Variants in MYO6 observed in about 807,000 individuals in gnomAD.
The protein encoded by MYO6 is myosin VI, also known as unconventional myosin-VI.
Under a neutral mutation model 178.7 loss-of-function variants are expected in MYO6, and 74 were observed. The ratio of observed to expected loss-of-function variants is 0.41; its 90% confidence interval spans 0.34 to 0.50. The LOEUF is 0.50. MYO6 is among the 20% of genes least tolerant of loss of function. The probability of loss-of-function intolerance (pLI) is 0.09; values close to 1 mark genes in which losing one functional copy is unlikely to be tolerated. For synonymous variants in MYO6, 477 were observed against 504.6 expected, an observed-to-expected ratio of 0.95 and a Z score of 0.73; for missense variants, 1,330 against 1,547.4, an observed-to-expected ratio of 0.86 and a Z score of 2.36.
chr6:75,791,699 G>A (rs1768266872), intron 1 of MYO6, among the ~76,000 whole-genome samples: 1 of 152,222 alleles, frequency 6.6e-6, no homozygotes, highest in Admixed American at 6.5e-5. Context: ...GAATACTTGT[G>A]AAGCAGAAGC....
intron 1 of MYO6, among the ~76,000 whole-genome samples, chr6:75,768,951 G>A (rs991842919): frequency 1.3e-5 from 2 of 152,156 alleles, no homozygotes; most frequent in African/African-American, 4.8e-5. Flanking sequence ...TACTGTCATA[G>A]TGAAAGGCAA....
chr6:75,784,776 CAAAAAAAAAAAAAAA>C (rs754218278), intron 1 of MYO6, among the ~76,000 whole-genome samples: 2,128 of 54,458 alleles, frequency 0.039, 113 homozygotes, highest in East Asian at 0.32. Context: ...GACTCCGTCT[CAAAAAAAAAAAAAAA>C]AAAAAAAAAA....
chr6:75,900,305 T>A (rs1403070736), intron 30 of MYO6, among the ~76,000 whole-genome samples: 16 of 151,860 alleles, frequency 1.1e-4, no homozygotes, highest in South Asian at 2.1e-4. Flanking sequence ...CCTGAGGAAT[T>A]GCCACACTGA....
chr6:75,903,031 C>T (rs1038304030), intron 30 of MYO6, among the ~76,000 whole-genome samples: 32 of 152,058 alleles, frequency 2.1e-4, no homozygotes, highest in East Asian at 5.8e-4. Flanking sequence ...TGTAGTTGAG[C>T]GGTTTTGAGT....
intron 10 of MYO6, among the ~76,000 whole-genome samples, chr6:75,845,535 A>C (rs1356010347): frequency 1.3e-5 from 2 of 152,006 alleles, no homozygotes; most frequent in Non-Finnish European, 2.9e-5. Flanking sequence ...TTTACAAAAA[A>C]TAAAAAAAAT....
intron 7 of MYO6, among the ~76,000 whole-genome samples, 181 bp from the exon 8 acceptor site, chr6:75,840,404 A>G (rs1583241856): frequency 1.3e-5 from 2 of 151,948 alleles, no homozygotes; most frequent in Admixed American, 1.3e-4. Flanking sequence ...CTCGTGATCC[A>G]CCTGCCTCGG....
At chr6:75,864,939 T>A (rs1776523129) in intron 16 of MYO6, among the ~76,000 whole-genome samples, 1 of 152,142 alleles carries the variant, frequency 6.6e-6, no homozygotes, top group South Asian at 2.1e-4. Flanking sequence ...TAATATGGCA[T>A]GTAAAGAAAT....
At chr6:75,796,527 C>A (rs1452205140) in intron 1 of MYO6, among the ~76,000 whole-genome samples, 1 of 152,016 alleles carries the variant, frequency 6.6e-6, no homozygotes. Flanking sequence ...TAGATGATTT[C>A]ATCACTCAGG....
intron 8 of MYO6, 62 bp from the exon 9 acceptor site, chr6:75,841,152 G>C: frequency 6.9e-7 from 1 of 1,457,896 alleles, no homozygotes; most frequent in East Asian, 2.3e-5. Flanking sequence ...ATTTAACATT[G>C]GTTAATTATA....
chr6:75,813,783 C>A (rs766116920), intron 1 of MYO6, among the ~76,000 whole-genome samples: 1 of 152,120 alleles, frequency 6.6e-6, no homozygotes, highest in Admixed American at 6.5e-5. Flanking sequence ...GTTCTTCCCC[C>A]CAAATCAGTG....
At chr6:75,889,971 A>G (rs1209039184) in intron 25 of MYO6, 86 bp from the exon 26 acceptor site, 2 of 973,640 alleles carry the variant, frequency 2.1e-6, no homozygotes, top group African/African-American at 3.3e-5. Context: ...TTTTCAGTTT[A>G]TAATTCAGTA....
At position 75,914,254 on chromosome 6, in the gene MYO6, G is replaced by A. The variant is rs1476452350; in HGVS notation, c.3631G>A (p.Asp1211Asn). ...WIARQMELHP[D>N]KPPILLVAGK... ...TGCCCGGCAAATGGAACTCCATCCT[G>A]ACAAGCCACCCATCCTACTTGTGGC... The change falls in exon 34 of 35, where the codon GAC becomes AAC. Residue 1211 changes from aspartate to asparagine, a missense_variant. Asp to Asn is a conservative substitution (Grantham distance 23). Coordinates refer to ENST00000369977, the MANE Select transcript of MYO6 (RefSeq NM_004999.4). 1.9e-6 allele frequency: 3 copies of A among 1,614,178 alleles called. No individual in the cohort carries two copies. The East Asian group carries it at 6.7e-5, about 36-fold the overall frequency.
chr6:75,913,545 G>A (rs2758918), intron 33 of MYO6, among the ~76,000 whole-genome samples: 190 of 152,078 alleles, frequency 1.2e-3, no homozygotes, highest in African/African-American at 3.3e-3. Flanking sequence ...AAATTTGTTG[G>A]CAAAAGAAAA....
rs1398871418 is a variant in MYO6, at chr6:75,771,282, G to A, written c.-48+21859G>A. 3.9e-5 allele frequency among the ~76,000 whole-genome samples: 6 copies of A among 152,260 alleles called. No homozygotes were observed. In the East Asian group the frequency reaches 5.8e-4, roughly 15 times the overall value. ...CTCCCAAAGTGCTGGAACTACAGGC[G>A]CCAGCCACTGCATCCAGCCCAGAAA... On this transcript the variant is annotated intron_variant, in intron 1 of 34. Coordinates refer to ENST00000369977, the MANE Select transcript of MYO6 (RefSeq NM_004999.4).
rs568551409 is a variant in MYO6, at chr6:75,916,883, T to G, written c.*1871T>G. 6.6e-5 allele frequency: 10 copies of G among 152,334 alleles called. No homozygotes were observed. The South Asian group carries it at 2.1e-3, about 32-fold the overall frequency. 9.4% of individuals were successfully genotyped at this position (152,334 alleles called of 1,614,324 possible). A position where few individuals can be genotyped will look rare whatever the true frequency, so the allele number is the denominator to read the frequency against. On this transcript the variant is annotated 3_prime_UTR_variant, in exon 35 of 35. Coordinates refer to ENST00000369977, the MANE Select transcript of MYO6 (RefSeq NM_004999.4). ...TATCACAGCAAAGGGTTGTTATAAG[T>G]CCTTAGTTTTTGACTCTAATAGTTA...
intron 32 of MYO6, among the ~76,000 whole-genome samples, chr6:75,910,940 T>C (rs1337936079): frequency 6.6e-6 from 1 of 152,052 alleles, no homozygotes; most frequent in East Asian, 1.9e-4. Flanking sequence ...TTAACAAAAA[T>C]GTAGCTTCGT....
intron 1 of MYO6, among the ~76,000 whole-genome samples, chr6:75,795,899 A>T (rs796670648): frequency 6.6e-6 from 1 of 152,240 alleles, no homozygotes; most frequent in Non-Finnish European, 1.5e-5. Context: ...GAGTAATAGC[A>T]TTATTAAAAG....
intron 1 of MYO6, among the ~76,000 whole-genome samples, chr6:75,783,223 A>T (rs1477581258): frequency 1.3e-5 from 2 of 152,016 alleles, no homozygotes; most frequent in South Asian, 4.1e-4. Context: ...GGCCTCCCAG[A>T]TAGATTTTTA....
In MYO6 at chr6:75,830,513, T is replaced by C. The variant is rs141429454; in HGVS notation, c.359T>C (p.Leu120Pro). ...ATAAAGTCATATCAAGGAAAATCTCTTGGGACAAGACCACCTCATGTCTTT... is the reference window on the plus strand; with the variant it reads ...ATAAAGTCATATCAAGGAAAATCTCCTGGGACAAGACCACCTCATGTCTTT... ...EAIKSYQGKSLGTRPPHVFAI... is the reference protein window; with the variant it reads ...EAIKSYQGKSPGTRPPHVFAI... Residue 120 changes from leucine (L) to proline (P), a missense_variant, in exon 5 of 35, where the codon CTT becomes CCT. Physicochemically the swap from Leu to Pro is moderately conservative, Grantham distance 98 (BLOSUM62 -3). Around this residue, in one of 3 missense-constraint regions of MYO6, gnomAD observed 613 missense variants for 816.8 expected, o/e 0.75. Transcript: ENST00000369977. 1 of 1,612,440 alleles carries C rather than the reference T, an allele frequency of 6.2e-7. No homozygotes were observed. Among genetic ancestry groups the C allele is most frequent in the Non-Finnish European group, 8.5e-7 (1 of 1,178,680 alleles).
Sources: allele counts gnomAD v4.1 joint callset (sites outside exome capture counted in the v4.1 genomes callset), GRCh38; gene constraint gnomAD v4.1.1; regional missense constraint gnomAD v4.1.1; transcripts MANE v1.5; gene names NCBI Gene and HGNC (gene_info 2026-07-23, HGNC 2026-07-21).